Variants in DNAJC3 observed in about 807,000 individuals in gnomAD.
The protein encoded by DNAJC3 is dnaJ homolog subfamily C member 3.
DNAJC3 carries 38 observed loss-of-function variants against 68.6 expected under a neutral mutation model. The observed-to-expected ratio is 0.55, with a 90% CI of 0.43 to 0.73. DNAJC3 has a LOEUF of 0.73. Among genes scored for constraint, DNAJC3 ranks in the 30% least tolerant of loss-of-function variants. The pLI, the probability that DNAJC3 is intolerant of heterozygous loss-of-function variation, is 0.00. For missense variants in DNAJC3, 526 were observed against 591.9 expected (o/e 0.89, Z 1.16); for synonymous variants, 203 against 204.0 (o/e 1.00, Z 0.04).
chr13:95,748,713 A>G lies in DNAJC3; in HGVS notation c.394-8931A>G, dbSNP rs547021240. The stretch of plus-strand genomic sequence containing the variant: ...CGCCTGTAATCCCAGCTACTCAGGA[A>G]GCTGAGGCAGGAGAATTGCTTGAAC... On this transcript the variant is annotated intron_variant, in intron 4 of 11. Transcript: ENST00000602402. Among the ~76,000 whole-genome samples, 291 of 152,252 alleles carry G rather than the reference A, an allele frequency of 1.9e-3. 1 individual carries two copies. The highest frequency in any genetic ancestry group is 5.8e-3 in the South Asian group (28 of 4,824).
intron 1 of DNAJC3, among the ~76,000 whole-genome samples, chr13:95,696,864 G>C (rs1880454393): frequency 6.6e-6 from 1 of 152,036 alleles, no homozygotes; most frequent in South Asian, 2.1e-4. Context: ...TCCCGCCTCA[G>C]CCTCCTGAGT....
At chr13:95,699,136 T>C (rs1880524280) in intron 1 of DNAJC3, among the ~76,000 whole-genome samples, 1 of 152,220 alleles carries the variant, frequency 6.6e-6, no homozygotes, top group Admixed American at 6.5e-5. Flanking sequence ...TGGCAAGTTC[T>C]GTTATGGAAA....
intron 1 of DNAJC3, among the ~76,000 whole-genome samples, chr13:95,703,136 C>T (rs559557189): frequency 3.3e-4 from 51 of 152,294 alleles, no homozygotes; most frequent in African/African-American, 1.2e-3. Context: ...TTTCTGCAAG[C>T]CTCAAATCAC....
chr13:95,789,025 T>A (rs1020599778), intron 11 of DNAJC3, among the ~76,000 whole-genome samples: 1 of 152,326 alleles, frequency 6.6e-6, no homozygotes, highest in Non-Finnish European at 1.5e-5. Flanking sequence ...TTTCTCTAAG[T>A]ATCTTTGAAC....
chr13:95,707,742 C>A (rs1382684752), intron 1 of DNAJC3, among the ~76,000 whole-genome samples: 4 of 152,282 alleles, frequency 2.6e-5, no homozygotes, highest in African/African-American at 9.6e-5. Flanking sequence ...GTAAAGAGAA[C>A]TCTAACGGAT....
intron 1 of DNAJC3, 107 bp downstream of exon 1, chr13:95,677,444 C>T (rs1879788417): frequency 8.4e-7 from 1 of 1,191,386 alleles, no homozygotes; most frequent in African/African-American, 1.6e-5. Flanking sequence ...GGAGGTGGGG[C>T]GAGCGCTGGG....
chr13:95,682,483 T>A (rs1385585716), intron 1 of DNAJC3, among the ~76,000 whole-genome samples: 7 of 152,086 alleles, frequency 4.6e-5, no homozygotes, highest in African/African-American at 1.2e-4. Context: ...CCTTTAAGTT[T>A]AAAAAAATCC....
chr13:95,723,813 T>A (rs1259290385), intron 3 of DNAJC3, among the ~76,000 whole-genome samples: 1 of 151,974 alleles, frequency 6.6e-6, no homozygotes, highest in Non-Finnish European at 1.5e-5. Flanking sequence ...AGCAGAGACA[T>A]CCCCTGGAAC....
chr13:95,768,012 A>G (rs187703556), intron 9 of DNAJC3, among the ~76,000 whole-genome samples: 1 of 152,088 alleles, frequency 6.6e-6, no homozygotes, highest in East Asian at 1.9e-4. Flanking sequence ...GCTGGTCAAC[A>G]TTTTAGATTT....
intron 1 of DNAJC3, among the ~76,000 whole-genome samples, chr13:95,704,298 C>T (rs1593963545): frequency 6.6e-6 from 1 of 152,180 alleles, no homozygotes; most frequent in Non-Finnish European, 1.5e-5. Context: ...ATGCCTGCTT[C>T]TACTTTTTGA....
intron 9 of DNAJC3, 22 bp downstream of exon 9, chr13:95,763,975 T>G (rs750967733): frequency 1.2e-6 from 2 of 1,612,682 alleles, no homozygotes; most frequent in Non-Finnish European, 1.7e-6. Context: ...AGGATTTGAT[T>G]TGCAGTACCG....
chr13:95,719,912 A>T (rs1439887759), intron 2 of DNAJC3, among the ~76,000 whole-genome samples: 2 of 152,222 alleles, frequency 1.3e-5, no homozygotes, highest in Non-Finnish European at 2.9e-5. Context: ...AATGTAGTTT[A>T]CCGTATACCA....
chr13:95,766,431 A>C (rs1287700425), intron 9 of DNAJC3, among the ~76,000 whole-genome samples: 1 of 152,214 alleles, frequency 6.6e-6, no homozygotes, highest in African/African-American at 2.4e-5. Context: ...ACATTGAAGC[A>C]GTACTAAAAT....
chr13:95,757,525 T>C, intron 4 of DNAJC3, 119 bp from the exon 5 acceptor site: 1 of 1,068,576 alleles, frequency 9.4e-7, no homozygotes, highest in Non-Finnish European at 1.2e-6. Flanking sequence ...TTTTCCAGTA[T>C]CTCTTTACCC....
chr13:95,718,771 TCTC>T (rs1881230723), intron 2 of DNAJC3, among the ~76,000 whole-genome samples: 1 of 152,280 alleles, frequency 6.6e-6, no homozygotes, highest in East Asian at 1.9e-4. Flanking sequence ...AAATTCAGTT[TCTC>T]CTATTATATT....
Position 95,760,683 on chromosome 13 carries a change from G to A in DNAJC3, c.733G>A (p.Val245Ile). 1 of 1,607,310 alleles carries A rather than the reference G, an allele frequency of 6.2e-7. No individual in the cohort carries two copies. The highest frequency in any genetic ancestry group is 8.5e-7 in the Non-Finnish European group (1 of 1,177,472). ...CTTTTTTAAATACATGAACAGTGAA[G>A]TTCGGGAATGTCTTAAACTTGACCA... ...LGDHELSLSE[V>I]RECLKLDQDH... Residue 245 changes from valine to isoleucine, a missense_variant, in exon 7 of 12, where the codon GTT becomes ATT. Physicochemically the swap from Val to Ile is conservative, Grantham distance 29. Coordinates refer to ENST00000602402, the MANE Select transcript of DNAJC3 (RefSeq NM_006260.5).
chr13:95,742,615 C>CTCTTCT (rs367627476), intron 4 of DNAJC3: 6 of 500,646 alleles, frequency 1.2e-5, no homozygotes, highest in African/African-American at 9.8e-5. Context: ...CCTCACTTCT[C>CTCTTCT]TCTTCTTCTT....
chr13:95,718,620 C>T (rs1439495118), intron 2 of DNAJC3, among the ~76,000 whole-genome samples: 1 of 152,128 alleles, frequency 6.6e-6, no homozygotes, highest in African/African-American at 2.4e-5. Context: ...AGGCTGGTCT[C>T]GAACTCCTGG....
At chr13:95,687,773 A>G (rs189188624) in intron 1 of DNAJC3, among the ~76,000 whole-genome samples, 333 of 152,278 alleles carry the variant, frequency 2.2e-3, no homozygotes, top group Non-Finnish European at 2.9e-3. Flanking sequence ...TTTTGGTTTT[A>G]TATGAATTTT....
Sources: allele counts gnomAD v4.1 joint callset (sites outside exome capture counted in the v4.1 genomes callset), GRCh38; gene constraint gnomAD v4.1.1; transcripts MANE v1.5; gene names NCBI Gene and HGNC (gene_info 2026-07-23, HGNC 2026-07-21).